The following VIPR2 variants were observed in gnomAD, a reference collection of about 807,000 sequenced individuals.
VIPR2 encodes vasoactive intestinal peptide receptor 2.
Under a neutral mutation model 58.0 loss-of-function variants are expected in VIPR2, and 48 were observed. That is an observed-to-expected ratio of 0.83 (90% CI 0.66 to 1.05). The LOEUF is 1.05. VIPR2 is among the 50% of genes least tolerant of loss of function. The pLI, the probability that VIPR2 is intolerant of heterozygous loss-of-function variation, is 0.00. For missense variants in VIPR2, 534 were observed against 558.0 expected, an observed-to-expected ratio of 0.96 and a Z score of 0.43; for synonymous variants, 243 against 235.2, an observed-to-expected ratio of 1.03 and a Z score of -0.30.
intron 2 of VIPR2, among the ~76,000 whole-genome samples, chr7:159,121,628 A>G (rs1193925436): frequency 2.6e-5 from 4 of 152,198 alleles, no homozygotes; most frequent in Non-Finnish European, 4.4e-5. Flanking sequence ...TTTTCATGTT[A>G]TTCATGTAGA....
chr7:159,040,382 C>T (rs1182289052), intron 6 of VIPR2, among the ~76,000 whole-genome samples: 1 of 152,232 alleles, frequency 6.6e-6, no homozygotes, highest in Non-Finnish European at 1.5e-5. Context: ...CACACATGTG[C>T]ACGTGAGGCA....
intron 4 of VIPR2, among the ~76,000 whole-genome samples, chr7:159,083,475 C>A (rs1235223885): frequency 3.9e-5 from 6 of 152,204 alleles, no homozygotes; most frequent in African/African-American, 1.4e-4. Flanking sequence ...AAGTCCCTTC[C>A]AGCTCCACCT....
chr7:159,040,418 G>C (rs916328177), intron 6 of VIPR2, among the ~76,000 whole-genome samples: 4 of 152,238 alleles, frequency 2.6e-5, no homozygotes, highest in African/African-American at 9.6e-5. Context: ...AGTAAGCTTG[G>C]GGGTGTGCTT....
At chr7:159,033,389 C>T (rs1853708956) in intron 10 of VIPR2, among the ~76,000 whole-genome samples, 1 of 152,232 alleles carries the variant, frequency 6.6e-6, no homozygotes, top group African/African-American at 2.4e-5. Flanking sequence ...CCTTCCACCC[C>T]CGGTCAGTCT....
intron 2 of VIPR2, among the ~76,000 whole-genome samples, chr7:159,113,447 C>T (rs185278599): frequency 6.0e-4 from 91 of 152,104 alleles, no homozygotes; most frequent in African/African-American, 1.9e-3. Context: ...GATTTTAAGA[C>T]GCTAGTCTGC....
intron 4 of VIPR2, among the ~76,000 whole-genome samples, chr7:159,061,593 G>A (rs1855655173): frequency 6.6e-6 from 1 of 151,880 alleles, no homozygotes; most frequent in Non-Finnish European, 1.5e-5. Flanking sequence ...GGTGGAGGCT[G>A]CCTAAGCTGT....
In VIPR2 at chr7:159,096,424, G is replaced by A. The variant is rs1857849874; in HGVS notation, c.357+7333C>T. Among the ~76,000 whole-genome samples the A allele has an allele frequency of 6.6e-6, 1 of 152,180 alleles. No homozygotes were observed. Among genetic ancestry groups the A allele is most frequent in the South Asian group, 2.1e-4 (1 of 4,830 alleles). ...GCTGCCCTGTGCTGCACATCATCCT[G>A]GTGTGCTCCTCCATCCTTCCACCTT... On this transcript the variant is annotated intron_variant, in intron 4 of 12. Transcript: ENST00000262178. This position sits in a 1 kb window ranked among gnomAD's most constrained non-coding sequence, Gnocchi z 5.5.
intron 4 of VIPR2, among the ~76,000 whole-genome samples, chr7:159,101,995 G>C (rs1858301541): frequency 2.0e-5 from 3 of 147,776 alleles, no homozygotes; most frequent in Admixed American, 6.8e-5. Flanking sequence ...GGTAGTGAAT[G>C]AGTCTCACGA....
In VIPR2 at chr7:159,080,014, T is replaced by G. The variant is rs549151678; in HGVS notation, c.358-21436A>C. Among the ~76,000 whole-genome samples the G allele has an allele frequency of 6.6e-5, 10 of 152,310 alleles. No individual in the cohort carries two copies. The South Asian group carries it at 1.9e-3, about 28-fold the overall frequency. On this transcript the variant is annotated intron_variant, in intron 4 of 12. Transcript: ENST00000262178. ...AAAAAAAGTCCAGGACCAGATGGATTCACAGCCAAATTCTACCAGAGGTAC... is the reference window on the plus strand; with the variant it reads ...AAAAAAAGTCCAGGACCAGATGGATGCACAGCCAAATTCTACCAGAGGTAC...
intron 3 of VIPR2, among the ~76,000 whole-genome samples, chr7:159,106,407 A>ACCAGGGAGGGGCAGAGAGAGG (rs1342243278): frequency 2.6e-5 from 4 of 151,400 alleles, no homozygotes; most frequent in Admixed American, 6.6e-5. Context: ...GTACAGAGAG[A>ACCAGGGAGGGGCAGAGAGAGG]CCAGGGAGGG....
chr7:159,060,108 A>G (rs1438266187), intron 4 of VIPR2, among the ~76,000 whole-genome samples: 1 of 144,004 alleles, frequency 6.9e-6, no homozygotes, highest in Non-Finnish European at 1.5e-5. Context: ...CACCTCACCT[A>G]ATCACCACCT....
At chr7:159,070,798 C>T (rs73730146) in intron 4 of VIPR2, among the ~76,000 whole-genome samples, 4,091 of 152,306 alleles carry the variant, frequency 0.027, 160 homozygotes, top group African/African-American at 0.089. Flanking sequence ...TTACACATCC[C>T]GTGCTTTCAA....
At chr7:159,115,144 C>T (rs920781710) in intron 2 of VIPR2, among the ~76,000 whole-genome samples, 6 of 152,324 alleles carry the variant, frequency 3.9e-5, no homozygotes, top group Non-Finnish European at 5.9e-5. Flanking sequence ...CAGTTGCAGC[C>T]GCCGCATTTG....
At chr7:159,035,523 T>C (rs1285130381) in intron 8 of VIPR2, among the ~76,000 whole-genome samples, 2 of 152,178 alleles carry the variant, frequency 1.3e-5, no homozygotes, top group East Asian at 3.9e-4. Context: ...AGGGAGAGCA[T>C]AGTGGAAAAG....
At position 159,038,392 on chromosome 7, in the gene VIPR2, C is replaced by T. The variant is rs143086308; in HGVS notation, c.598-1490G>A. The stretch of plus-strand genomic sequence containing the variant: ...CACCAGAGTAAGGCGAGTGCCTGCA[C>T]GCGGATCTCGTGTGTCAACGCCTGG... On this transcript the variant is annotated intron_variant, in intron 6 of 12. Transcript: ENST00000262178. Among the ~76,000 whole-genome samples, 433 of 152,246 alleles carry T rather than the reference C, an allele frequency of 2.8e-3. 5 individuals carry two copies. Among genetic ancestry groups the T allele is most frequent in the African/African-American group, 9.9e-3 (410 of 41,512 alleles).
At chr7:159,130,548 G>C (rs1430607311) in intron 2 of VIPR2, among the ~76,000 whole-genome samples, 1 of 152,050 alleles carries the variant, frequency 6.6e-6, no homozygotes, top group Non-Finnish European at 1.5e-5. Context: ...GCCCACTGAG[G>C]ACCATTTCCC....
intron 4 of VIPR2, among the ~76,000 whole-genome samples, chr7:159,082,479 C>G (rs112789470): frequency 0.22 from 32,895 of 151,406 alleles, 6,103 homozygotes; most frequent in African/African-American, 0.51. Context: ...GTGGTGGGGT[C>G]GTGGGGGAGG....
chr7:159,056,662 T>C (rs1376258097), intron 5 of VIPR2, among the ~76,000 whole-genome samples: 3 of 152,206 alleles, frequency 2.0e-5, no homozygotes, highest in African/African-American at 7.2e-5. Context: ...AATAAGAACA[T>C]GGCTACTGAA....
At chr7:159,111,472 G>T (rs1430483575) in intron 2 of VIPR2, among the ~76,000 whole-genome samples, 3 of 151,996 alleles carry the variant, frequency 2.0e-5, no homozygotes, top group Non-Finnish European at 4.4e-5. Flanking sequence ...TTGAGGTCAG[G>T]AGTGTGAGAA....
Sources: allele counts gnomAD v4.1 joint callset (sites outside exome capture counted in the v4.1 genomes callset), GRCh38; gene constraint gnomAD v4.1.1; non-coding constraint Gnocchi (gnomAD v3.1); transcripts MANE v1.5; gene names NCBI Gene and HGNC (gene_info 2026-07-23, HGNC 2026-07-21).